Variants in KCNAB2 observed in about 807,000 individuals in gnomAD.
KCNAB2 encodes the protein potassium voltage-gated channel subfamily A regulatory beta subunit 2.
Under a neutral mutation model 63.6 loss-of-function variants are expected in KCNAB2, and 29 were observed. That is an observed-to-expected ratio of 0.46 (90% CI 0.34 to 0.62). The LOEUF is 0.62. KCNAB2 is among the 20% of genes least tolerant of loss of function. KCNAB2 has a pLI of 0.01. For missense variants in KCNAB2, 359 were observed against 563.9 expected, an observed-to-expected ratio of 0.64 and a Z score of 3.68; for synonymous variants, 222 against 224.2, an observed-to-expected ratio of 0.99 and a Z score of 0.09.
rs1192363359 is a variant in KCNAB2 at position 6,028,618 on chromosome 1, C to T, written c.-52-11899C>T. 6.6e-6 allele frequency among the ~76,000 whole-genome samples: 1 copy of T among 152,168 alleles called. No homozygotes were observed. The highest frequency in any genetic ancestry group is 2.4e-5 in the African/African-American group (1 of 41,434). ...GCCGCTCTGGGTGCGGGGGTACATC[C>T]GTGAAGGAAAGAGATGAAGCTCCCT... On this transcript the variant is annotated intron_variant, in intron 1 of 16. Coordinates refer to the KCNAB2 transcript ENST00000341524. This position sits in a 1 kb window ranked among gnomAD's most constrained non-coding sequence, Gnocchi z 4.0.
At chr1:6,085,959 C>T (rs936158339) in intron 6 of KCNAB2, 1 of 985,386 alleles carries the variant, frequency 1.0e-6, no homozygotes, top group Admixed American at 6.1e-5. Context: ...CCAAAGGTCG[C>T]AGATCGGGGG....
intron 8 of KCNAB2, among the ~76,000 whole-genome samples, 155 bp from the exon 9 acceptor site, chr1:6,090,234 C>T (rs909599476): frequency 8.5e-5 from 13 of 152,130 alleles, no homozygotes; most frequent in African/African-American, 1.9e-4. Context: ...CCACCTCTGC[C>T]GTGGCATTTC....
chr1:6,020,586 A>T (rs533679603), intron 1 of KCNAB2, among the ~76,000 whole-genome samples: 1 of 152,318 alleles, frequency 6.6e-6, no homozygotes, highest in South Asian at 2.1e-4. Flanking sequence ...GCTGGAAGAA[A>T]ATTCAGGAAA....
Position 6,090,379 on chromosome 1 carries a change from C to T in KCNAB2, c.515-10C>T. 1.9e-6 allele frequency: 3 copies of T among 1,605,698 alleles called. No homozygotes were observed. The highest frequency in any genetic ancestry group is 1.1e-5 in the South Asian group (1 of 90,858). On this transcript the variant is annotated splice_polypyrimidine_tract_variant and intron_variant, in intron 8 of 15. Transcript: ENST00000378083. ...CAGCAGTGACGCCCCCCCACCTGGTCCTCCCCCAGGTCTGAAAGCTTCCCT... is the reference window on the plus strand; with the variant it reads ...CAGCAGTGACGCCCCCCCACCTGGTTCTCCCCCAGGTCTGAAAGCTTCCCT...
At chr1:6,092,396 G>A (rs557243261) in intron 10 of KCNAB2, among the ~76,000 whole-genome samples, 1 of 152,260 alleles carries the variant, frequency 6.6e-6, no homozygotes, top group African/African-American at 2.4e-5. Flanking sequence ...CATGGAAGGG[G>A]CGCCGCAGGG....
intron 2 of KCNAB2, among the ~76,000 whole-genome samples, chr1:6,062,176 C>G (rs377418967): frequency 6.6e-6 from 1 of 151,948 alleles, no homozygotes; most frequent in Admixed American, 6.6e-5. Flanking sequence ...TAGCCGAGCG[C>G]GGTGGCACAT....
In KCNAB2 at chr1:6,058,662, G is replaced by A. The variant is rs867593165; in HGVS notation, c.218+6908G>A. Among the ~76,000 whole-genome samples, 68 of 152,336 alleles carry A rather than the reference G, an allele frequency of 4.5e-4. 1 individual carries two copies. The highest frequency in any genetic ancestry group is 1.5e-3 in the African/African-American group (63 of 41,568). ...ACTGTCCCCTGTCTATCCATCTTGG[G>A]GTCTCACTCGTGCACCTAGTCTCAC... On this transcript the variant is annotated intron_variant, in intron 2 of 15. Coordinates refer to ENST00000378083, the MANE Select transcript of KCNAB2 (RefSeq NM_001199862.2).
chr1:6,095,454 T>G lies in KCNAB2; in HGVS notation c.853+11T>G. ...TGTTCCACAAGATAGGTGGGCACCC[T>G]CGGGCCCCTCGCCCCGCCCCACCCC... On this transcript the variant is annotated intron_variant, in intron 12 of 15. Coordinates refer to ENST00000378083, the MANE Select transcript of KCNAB2 (RefSeq NM_001199862.2). 6.2e-7 allele frequency: 1 copy of G among 1,612,700 alleles called. No homozygotes were observed. Among genetic ancestry groups the G allele is most frequent in the Non-Finnish European group, 8.5e-7 (1 of 1,179,898 alleles).
chr1:6,026,708 A>T (rs1300324589), intron 1 of KCNAB2, among the ~76,000 whole-genome samples: 1 of 152,198 alleles, frequency 6.6e-6, no homozygotes, highest in Non-Finnish European at 1.5e-5. Flanking sequence ...CCTGGCACCC[A>T]GCAGAGATGT....
At chr1:6,085,965 G>A (rs1664665605) in intron 6 of KCNAB2, 16 of 985,396 alleles carry the variant, frequency 1.6e-5, no homozygotes, top group Non-Finnish European at 1.9e-5. Flanking sequence ...GTCGCAGATC[G>A]GGGGCCATCC....
At chr1:6,054,706 G>A (rs1425702877) in intron 2 of KCNAB2, among the ~76,000 whole-genome samples, 1 of 152,158 alleles carries the variant, frequency 6.6e-6, no homozygotes, top group Non-Finnish European at 1.5e-5. Flanking sequence ...TACATCTTAT[G>A]TAAATGAAGT....
intron 1 of KCNAB2, among the ~76,000 whole-genome samples, chr1:5,995,420 C>T (rs1449210630): frequency 2.0e-5 from 3 of 152,238 alleles, no homozygotes; most frequent in African/African-American, 7.2e-5. Context: ...GAAGCCAGCA[C>T]CCCGAGGACA....
At chr1:6,049,144 G>A (rs930701205) in intron 1 of KCNAB2, among the ~76,000 whole-genome samples, 14 of 152,256 alleles carry the variant, frequency 9.2e-5, no homozygotes, top group African/African-American at 3.1e-4. Flanking sequence ...CCTGAGGCAG[G>A]AAGCCAGCCC....
At chr1:6,063,308 C>T (rs1470228533) in intron 2 of KCNAB2, among the ~76,000 whole-genome samples, 1 of 152,040 alleles carries the variant, frequency 6.6e-6, no homozygotes, top group South Asian at 2.1e-4. Flanking sequence ...CAAGTGTGAG[C>T]CACCGTGGAT....
chr1:5,995,385 C>T (rs193087375), intron 1 of KCNAB2, among the ~76,000 whole-genome samples: 33 of 152,362 alleles, frequency 2.2e-4, no homozygotes, highest in Non-Finnish European at 3.7e-4. Flanking sequence ...GAGCCCAGTT[C>T]ATGCCTTGGC....
chr1:6,004,952 G>T (rs1291078800), intron 1 of KCNAB2, among the ~76,000 whole-genome samples: 2 of 132,540 alleles, frequency 1.5e-5, no homozygotes, highest in Non-Finnish European at 3.2e-5. Flanking sequence ...GGAGTGGGGG[G>T]ATGTGGGAGC....
At chr1:6,088,353 A>G (rs1322125719) in intron 7 of KCNAB2, among the ~76,000 whole-genome samples, 2 of 151,566 alleles carry the variant, frequency 1.3e-5, no homozygotes, top group Non-Finnish European at 2.9e-5. Context: ...TGCCTCAAGT[A>G]GCTGGTTCTA....
At chr1:6,013,660 T>C (rs562732288) in intron 1 of KCNAB2, among the ~76,000 whole-genome samples, 3 of 152,222 alleles carry the variant, frequency 2.0e-5, no homozygotes, top group East Asian at 3.9e-4. Context: ...GTCTTCCCCC[T>C]ACACCCCGCA....
chr1:5,999,739 C>T (rs1401428235), intron 1 of KCNAB2, among the ~76,000 whole-genome samples: 7 of 152,098 alleles, frequency 4.6e-5, no homozygotes, highest in Non-Finnish European at 1.0e-4. Context: ...CAGTCCTCGC[C>T]ACCCTGTTCC....
Sources: gnomAD v4.1 joint callset for allele counts (sites outside exome capture counted in the v4.1 genomes callset) on GRCh38, gnomAD v4.1.1 for gene constraint, Gnocchi (gnomAD v3.1) non-coding constraint, MANE v1.5 for transcripts, NCBI Gene and HGNC (gene_info 2026-07-23, HGNC 2026-07-21) for gene names.